Variants in KCNH4 observed in about 807,000 individuals in gnomAD.
KCNH4 encodes the protein voltage-gated delayed rectifier potassium channel KCNH4.
In KCNH4, 33 loss-of-function variants were observed where a neutral mutation model predicts 90.7. The ratio of observed to expected loss-of-function variants is 0.36; its 90% CI spans 0.28 to 0.49. The LOEUF (loss-of-function observed/expected upper bound fraction) is 0.49. Among genes scored for constraint, KCNH4 ranks in the 20% least tolerant of loss-of-function variants. The pLI is 0.98. For missense variants in KCNH4, 1,044 were observed against 1,387.1 expected (o/e 0.75, Z 3.93); for synonymous variants, 551 against 581.7 (o/e 0.95, Z 0.76).
chr17:42,160,195 T>C lies in KCNH4; in HGVS notation c.2899A>G (p.Thr967Ala), dbSNP rs1376206626. The part of the protein sequence containing the change: ...HCPASVGTME[T>A]GTALLDLRPS... ...CTCAAGTCCAGGAGCGCAGTCCCTG[T>C]CTCCATGGTCCCCACACTGGCTGGG... Residue 967 changes from threonine (T) to alanine (A), a missense_variant, in exon 16 of 17, where the codon ACA becomes GCA. By Grantham distance (58) the Thr-to-Ala change is moderately conservative. This residue lies in a region of KCNH4 where 441 missense variants were observed against 512.3 expected (regional missense o/e 0.86). Transcript: ENST00000264661. 2 of 1,613,722 alleles carry C rather than the reference T, an allele frequency of 1.2e-6. No individual in the cohort carries two copies. The highest frequency in any genetic ancestry group is 1.7e-6 in the Non-Finnish European group (2 of 1,179,808).
At chr17:42,178,645 C>G (rs917009891) in intron 2 of KCNH4, 148 bp downstream of exon 2, 4 of 1,148,870 alleles carry the variant, frequency 3.5e-6, no homozygotes, top group East Asian at 2.5e-5. Flanking sequence ...AATGGGGGAA[C>G]CCAGGACCAG....
In KCNH4 at chr17:42,165,699, G is replaced by C; in HGVS notation, c.1841-6C>G. On this transcript the variant is annotated splice_region_variant and splice_polypyrimidine_tract_variant and intron_variant, in intron 10 of 16. Transcript: ENST00000264661. ...TCCAATCAGGTCCCCCTTCCCTGTA[G>C]GTAAGGGATGGGGACAGTCAGCTGG... The C allele has an allele frequency of 6.2e-7, 1 of 1,614,106 alleles. No homozygotes were observed. Among genetic ancestry groups the C allele is most frequent in the Non-Finnish European group, 8.5e-7 (1 of 1,180,004 alleles).
rs1481679848 is a variant in KCNH4 at position 42,176,274 on chromosome 17, T to C, written c.609A>G (p.Ser203=). The stretch of plus-strand genomic sequence containing the variant: ...CGGAGGCCACCTTGTACTCGGGCAC[T>C]GATGGCTTTGGCTCAAACACGTTCT... ...ANNNVFEPKP[S]VPEYKVASVG... is the part of the protein sequence containing the mutation. Residue 203 remains serine, a synonymous_variant, in exon 5 of 17, where the codon TCA becomes TCG. Coordinates refer to ENST00000264661, the MANE Select transcript of KCNH4 (RefSeq NM_012285.3). 1 of 1,612,028 alleles carries C rather than the reference T, an allele frequency of 6.2e-7. No homozygotes were observed. The highest frequency in any genetic ancestry group is 1.3e-5 in the African/African-American group (1 of 74,208).
chr17:42,169,296 T>C (rs2079809437), intron 9 of KCNH4, among the ~76,000 whole-genome samples, 181 bp downstream of exon 9: 1 of 151,830 alleles, frequency 6.6e-6, no homozygotes, highest in African/African-American at 2.4e-5. Flanking sequence ...CCCAGGCTGG[T>C]CTTCAACTCC....
chr17:42,170,038 G>T, intron 8 of KCNH4, 69 bp downstream of exon 8: 1 of 1,464,690 alleles, frequency 6.8e-7, no homozygotes, highest in Non-Finnish European at 9.2e-7. Context: ...TGCCCTCTCT[G>T]GGCCTCAGTT....
chr17:42,165,636 C>G lies in KCNH4; in HGVS notation c.1898G>C (p.Gly633Ala). 1.9e-6 allele frequency: 3 copies of G among 1,614,182 alleles called. No homozygotes were observed. Among genetic ancestry groups the G allele is most frequent in the Non-Finnish European group, 2.5e-6 (3 of 1,180,034 alleles). ...IPEPGQEPGL[G>A]ADPNFVLKTS... ...CTTTAGCACGAAGTTTGGGTCTGCT[C>G]CCAACCCAGGCTCCTGCCCCGGCTC... Residue 633 changes from glycine to alanine, a missense_variant, in exon 11 of 17, where the codon GGA (glycine) becomes GCA (alanine). By Grantham distance (60) the Gly-to-Ala change is moderately conservative (BLOSUM62 0). Transcript: ENST00000264661.
chr17:42,163,614 G>C lies in KCNH4; in HGVS notation c.2469C>G (p.Leu823=). 3 of 1,459,042 alleles carry C rather than the reference G, an allele frequency of 2.1e-6. No homozygotes were observed. Among genetic ancestry groups the C allele is most frequent in the Non-Finnish European group, 2.8e-6 (3 of 1,083,694 alleles). 90.4% of individuals were successfully genotyped at this position (1,459,042 alleles called of 1,614,324 possible). ...PPLGTFGPPD[L]SPRIVDGIED... ...GGAGGCTGGCGTCTCACCGGGGACT[G>C]AGGTCCGGAGGTCCAAAGGTTCCCA... is the stretch of plus-strand genomic sequence containing the variant. Residue 823 remains leucine (L), a synonymous_variant, in exon 13 of 17, where the codon CTC becomes CTG. Coordinates refer to ENST00000264661, the MANE Select transcript of KCNH4 (RefSeq NM_012285.3). This position sits in a 1 kb window ranked among gnomAD's most constrained non-coding sequence, Gnocchi z 5.4.
chr17:42,173,167 C>G (rs1434189804), intron 6 of KCNH4, among the ~76,000 whole-genome samples: 2 of 151,900 alleles, frequency 1.3e-5, no homozygotes, highest in African/African-American at 4.8e-5. Context: ...GTGGGAGCAG[C>G]CTGGCAGCTA....
chr17:42,163,989 G>A lies in KCNH4; in HGVS notation c.2125-31C>T, dbSNP rs1228884319. On this transcript the variant is annotated intron_variant, in intron 12 of 16. Coordinates refer to ENST00000264661, the MANE Select transcript of KCNH4 (RefSeq NM_012285.3). The surrounding 1 kb of genome is among the most constrained non-coding windows in gnomAD (Gnocchi z 5.4). ...GGCAGAGGGGGCAGCTGATGTCGCA[G>A]GACAGTGAACAACAGACCCCTTCAT... The A allele has an allele frequency of 3.3e-6, 5 of 1,510,528 alleles. No homozygotes were observed. Among genetic ancestry groups the A allele is most frequent in the Non-Finnish European group, 4.4e-6 (5 of 1,125,410 alleles). The allele number at this position is 1,510,528 out of a possible 1,614,324, so 93.6% of individuals were successfully genotyped here. A position where few individuals can be genotyped will look rare whatever the true frequency, so the allele number is the denominator to read the frequency against.
intron 16 of KCNH4, among the ~76,000 whole-genome samples, chr17:42,158,563 C>T (rs562714658): frequency 2.3e-4 from 30 of 128,840 alleles, no homozygotes; most frequent in African/African-American, 8.0e-4. Flanking sequence ...AGGCTGGGTG[C>T]GGTGGCTGAC....
At chr17:42,168,017 C>T (rs942652539) in intron 9 of KCNH4, among the ~76,000 whole-genome samples, 1 of 152,198 alleles carries the variant, frequency 6.6e-6, no homozygotes, top group African/African-American at 2.4e-5. Flanking sequence ...TCACTCTGCT[C>T]TTTTGTGCCA....
At chr17:42,177,864 G>A (rs758560143) in intron 4 of KCNH4, among the ~76,000 whole-genome samples, 21 of 152,168 alleles carry the variant, frequency 1.4e-4, no homozygotes, top group Non-Finnish European at 2.6e-4. Context: ...TGACATCATC[G>A]GAGCAAAGTA....
rs1189350320 is a variant in KCNH4 at position 42,160,156 on chromosome 17, G to C, written c.2938C>G (p.Pro980Ala). 4 of 1,612,548 alleles carry C rather than the reference G, an allele frequency of 2.5e-6. No individual in the cohort carries two copies. In the Admixed American group the frequency reaches 6.7e-5, roughly 27 times the overall value. ...GGGTCAGGCTCTGAGGGGTAGGGGG[G>C]CAATATGGAAGGTCTCAAGTCCAGG... is the stretch of plus-strand genomic sequence containing the variant. ...ALLDLRPSILPPYPSEPDPLG... is the reference protein window; with the variant it reads ...ALLDLRPSILAPYPSEPDPLG... The change falls in exon 16 of 17, where the codon CCC becomes GCC. Residue 980 changes from proline (P) to alanine (A), a missense_variant. Pro to Ala is a conservative substitution (Grantham distance 27). Transcript: ENST00000264661.
At chr17:42,169,752 C>G in intron 8 of KCNH4, 76 bp from the exon 9 acceptor site, 1 of 1,489,658 alleles carries the variant, frequency 6.7e-7, no homozygotes, top group Non-Finnish European at 9.2e-7. Context: ...CCCACCCTGT[C>G]CTGGACCAAG....
Position 42,178,456 on chromosome 17 carries a change from A to C in KCNH4, c.332T>G (p.Leu111Arg). 6.2e-7 allele frequency: 1 copy of C among 1,614,238 alleles called. No homozygotes were observed. The highest frequency in any genetic ancestry group is 8.5e-7 in the Non-Finnish European group (1 of 1,180,046). Residue 111 changes from leucine (L) to arginine (R), a missense_variant, in exon 3 of 17, where the codon CTG becomes CGG. Physicochemically the swap from Leu to Arg is moderately radical, Grantham distance 102. This residue lies in a region of KCNH4 where 283 missense variants were observed against 378.6 expected (regional missense o/e 0.75). Coordinates refer to ENST00000264661, the MANE Select transcript of KCNH4 (RefSeq NM_012285.3). Reference sequence around the variant, plus strand: ...CTCATTCTTGATGGGCATCATGTCCAGGAGGCACCAAAAGGCTGAGCCTGT... The same window carrying C: ...CTCATTCTTGATGGGCATCATGTCCCGGAGGCACCAAAAGGCTGAGCCTGT... ...RKDGSAFWCL[L>R]DMMPIKNEMG... is the part of the protein sequence containing the mutation.
chr17:42,175,984 A>C, intron 5 of KCNH4, 70 bp downstream of exon 5: 1 of 1,513,162 alleles, frequency 6.6e-7, no homozygotes, highest in Non-Finnish European at 9.0e-7. Context: ...GGGCCCCAGG[A>C]GTGGGTGAGG....
chr17:42,178,296 G>A, intron 3 of KCNH4, 35 bp downstream of exon 3: 1 of 1,614,118 alleles, frequency 6.2e-7, no homozygotes, highest in South Asian at 1.1e-5. Flanking sequence ...GAAGGCTTCT[G>A]ACCATTCACA....
In KCNH4 at chr17:42,178,827, C is replaced by T; in HGVS notation, c.276G>A (p.Glu92=). 2 of 1,614,006 alleles carry T rather than the reference C, an allele frequency of 1.2e-6. No individual in the cohort carries two copies. Among genetic ancestry groups the T allele is most frequent in the Non-Finnish European group, 1.7e-6 (2 of 1,179,986 alleles). The change falls in exon 2 of 17, where the codon GAG becomes GAA. Residue 92 remains glutamate, a synonymous_variant. Coordinates refer to ENST00000264661, the MANE Select transcript of KCNH4 (RefSeq NM_012285.3). ...RLHKALEGHQ[E]HRAEICFYRK... ...GGTAGAAGCAGATTTCAGCCCGGTGCTCCTGGTGGCCCTCCAGGGCTTTGT... is the reference window on the plus strand; with the variant it reads ...GGTAGAAGCAGATTTCAGCCCGGTGTTCCTGGTGGCCCTCCAGGGCTTTGT...
At position 42,163,281 on chromosome 17, in the gene KCNH4, C is replaced by T. The variant is rs769396326; in HGVS notation, c.2531G>A (p.Arg844Gln). The change falls in exon 14 of 17, where the codon CGA becomes CAA. Residue 844 changes from arginine (R) to glutamine (Q), a missense_variant. Arg to Gln is a conservative substitution (Grantham distance 43). Coordinates refer to ENST00000264661, the MANE Select transcript of KCNH4 (RefSeq NM_012285.3). The surrounding 1 kb of genome is among the most constrained non-coding windows in gnomAD (Gnocchi z 5.4). ...TGGCAGTTCAGGCCTCCTGCTGAAT[C>T]GGAATGAAGGGGCCTCAGCTGTGCT... ...SGSTAEAPSF[R>Q]FSRRPELPRP... is the part of the protein sequence containing the mutation. 2.1e-5 allele frequency: 34 copies of T among 1,613,980 alleles called. No individual in the cohort carries two copies. Among genetic ancestry groups the T allele is most frequent in the East Asian group, 2.2e-5 (1 of 44,892 alleles).
Sources: gnomAD v4.1 joint callset for allele counts (sites outside exome capture counted in the v4.1 genomes callset) on GRCh38, gnomAD v4.1.1 for gene constraint, gnomAD v4.1.1 regional missense constraint, Gnocchi (gnomAD v3.1) non-coding constraint, MANE v1.5 for transcripts, NCBI Gene and HGNC (gene_info 2026-07-23, HGNC 2026-07-21) for gene names.